Variants in DCBLD2 observed in about 807,000 individuals in gnomAD.
DCBLD2 encodes the protein discoidin, CUB and LCCL domain containing 2, also known as discoidin, CUB and LCCL domain-containing protein 2.
DCBLD2 carries 54 observed loss-of-function variants against 86.8 expected under a neutral mutation model. The observed-to-expected ratio is 0.62, with a 90% confidence interval of 0.50 to 0.78. The LOEUF (loss-of-function observed/expected upper bound fraction) is 0.78, where lower values mean the gene tolerates loss of function less well. Among genes scored for constraint, DCBLD2 ranks in the 30% least tolerant of loss-of-function variants. The pLI, the probability that DCBLD2 is intolerant of heterozygous loss-of-function variation, is 0.00. For missense variants in DCBLD2, 908 were observed against 954.2 expected, an observed-to-expected ratio of 0.95 and a Z score of 0.64; for synonymous variants, 354 against 341.3, an observed-to-expected ratio of 1.04 and a Z score of -0.41.
At chr3:98,878,393 C>T (rs1223422054) in intron 2 of DCBLD2, among the ~76,000 whole-genome samples, 1 of 152,060 alleles carries the variant, frequency 6.6e-6, no homozygotes, top group Non-Finnish European at 1.5e-5. Flanking sequence ...AATCATTAGC[C>T]CATATACTTC....
At chr3:98,876,657 T>C (rs540293619) in intron 2 of DCBLD2, among the ~76,000 whole-genome samples, 28 of 152,168 alleles carry the variant, frequency 1.8e-4, no homozygotes, top group South Asian at 4.1e-4. Flanking sequence ...TAACAAAGTA[T>C]ATAATTTACC....
At chr3:98,803,793 T>C (rs1266160318) in intron 13 of DCBLD2, among the ~76,000 whole-genome samples, 1 of 152,226 alleles carries the variant, frequency 6.6e-6, no homozygotes, top group Non-Finnish European at 1.5e-5. Flanking sequence ...TCTGCATTTA[T>C]TGAGATAATC....
chr3:98,858,185 C>A (rs1166347894), intron 2 of DCBLD2, among the ~76,000 whole-genome samples: 1 of 152,262 alleles, frequency 6.6e-6, no homozygotes, highest in Non-Finnish European at 1.5e-5. Flanking sequence ...CACCTCACTG[C>A]CTGGGGCTGG....
intron 12 of DCBLD2, among the ~76,000 whole-genome samples, chr3:98,810,910 T>C (rs1315271097): frequency 6.6e-6 from 1 of 152,176 alleles, no homozygotes; most frequent in Non-Finnish European, 1.5e-5. Flanking sequence ...TTTCTAAGCC[T>C]GAGAGTCAAC....
chr3:98,891,787 A>G (rs1943665896), intron 1 of DCBLD2, among the ~76,000 whole-genome samples: 1 of 152,154 alleles, frequency 6.6e-6, no homozygotes, highest in African/African-American at 2.4e-5. Flanking sequence ...TCTGCCAAGA[A>G]TAACGTCCCT....
intron 9 of DCBLD2, among the ~76,000 whole-genome samples, chr3:98,817,544 A>T (rs1942044709): frequency 6.6e-6 from 1 of 152,172 alleles, no homozygotes; most frequent in East Asian, 1.9e-4. Flanking sequence ...GCAATGACAA[A>T]AATCAGAAAA....
rs1941719743 is a variant in DCBLD2 at position 98,801,587 on chromosome 3, C to T, written c.1720+13G>A. ...CTCTGATAGAAATGAGATGCAAAGA[C>T]CACGTGAGTTACCTGCCCGGTCCCA... On this transcript the variant is annotated intron_variant, in intron 14 of 15. Transcript: ENST00000326840. The T allele has an allele frequency of 6.2e-7, 1 of 1,606,120 alleles. No homozygotes were observed. The highest frequency in any genetic ancestry group is 1.3e-5 in the African/African-American group (1 of 74,702).
intron 2 of DCBLD2, among the ~76,000 whole-genome samples, chr3:98,859,661 G>T (rs1334560593): frequency 6.6e-6 from 1 of 152,154 alleles, no homozygotes; most frequent in African/African-American, 2.4e-5. Context: ...TCAGCTGAGG[G>T]CTATGACTGT....
intron 3 of DCBLD2, among the ~76,000 whole-genome samples, chr3:98,831,300 C>A (rs1296250806): frequency 6.6e-6 from 1 of 151,926 alleles, no homozygotes; most frequent in African/African-American, 2.4e-5. Context: ...GATCCACCCA[C>A]CTTGGCCTCC....
intron 2 of DCBLD2, among the ~76,000 whole-genome samples, chr3:98,871,713 A>T (rs909710327): frequency 2.0e-5 from 3 of 152,168 alleles, no homozygotes; most frequent in Middle Eastern, 6.3e-3. Flanking sequence ...TATGTTCATT[A>T]GGAATATTGG....
At chr3:98,872,763 CGAAAA>C (rs1274343324) in intron 2 of DCBLD2, among the ~76,000 whole-genome samples, 1 of 150,924 alleles carries the variant, frequency 6.6e-6, no homozygotes, top group Non-Finnish European at 1.5e-5. Flanking sequence ...TTACCAAACA[CGAAAA>C]GACACTTAAA....
chr3:98,822,526 A>G (rs1212778453), intron 5 of DCBLD2, 143 bp downstream of exon 5: 3 of 1,248,914 alleles, frequency 2.4e-6, no homozygotes, highest in Non-Finnish European at 3.3e-6. Context: ...TAGCAGAAGA[A>G]AAAGAATAAA....
chr3:98,897,212 C>A (rs1202473936), intron 1 of DCBLD2, among the ~76,000 whole-genome samples: 1 of 152,106 alleles, frequency 6.6e-6, no homozygotes, highest in African/African-American at 2.4e-5. Flanking sequence ...ATAATATGTT[C>A]TTTTTGTTTC....
In DCBLD2 at chr3:98,808,362, G is replaced by GT. The variant is rs1337622614; in HGVS notation, c.1577-189dup. On this transcript the variant is annotated intron_variant, in intron 12 of 15. Transcript: ENST00000326840. ...AGCTTTTGCAGATACACAAAAGCTT[G>GT]TTACACTATTCATTCCATCTGTGTA... 2.0e-5 allele frequency among the ~76,000 whole-genome samples: 3 copies of GT among 152,246 alleles called. No homozygotes were observed. In the East Asian group the frequency reaches 5.8e-4, roughly 29 times the overall value.
At chr3:98,828,946 T>C (rs979110133) in intron 3 of DCBLD2, among the ~76,000 whole-genome samples, 2 of 152,158 alleles carry the variant, frequency 1.3e-5, no homozygotes, top group Admixed American at 1.3e-4. Flanking sequence ...ATATGAAATG[T>C]TTCGAATAGG....
intron 2 of DCBLD2, among the ~76,000 whole-genome samples, chr3:98,863,210 C>A (rs902982989): frequency 1.3e-4 from 20 of 149,880 alleles, no homozygotes; most frequent in Admixed American, 2.0e-4. Context: ...CACTGCTCAA[C>A]AAAAGAGGTC....
chr3:98,867,244 A>G (rs36160001), intron 2 of DCBLD2, among the ~76,000 whole-genome samples: 4,574 of 152,324 alleles, frequency 0.03, 101 homozygotes, highest in Non-Finnish European at 0.048. Flanking sequence ...TTCTGTGAAG[A>G]AAGTCATTGG....
At chr3:98,881,490 CATT>C (rs757921812) in intron 2 of DCBLD2, 47 bp downstream of exon 2, 317 of 1,495,866 alleles carry the variant, frequency 2.1e-4, no homozygotes, top group Admixed American at 3.2e-4. Context: ...AAAAATACAT[CATT>C]GAGACAATGA....
chr3:98,854,857 T>C (rs940177631), intron 2 of DCBLD2, among the ~76,000 whole-genome samples: 1 of 152,176 alleles, frequency 6.6e-6, no homozygotes, highest in Non-Finnish European at 1.5e-5. Flanking sequence ...AAATCAATTC[T>C]GGATGGATTG....
Sources: allele counts gnomAD v4.1 joint callset (sites outside exome capture counted in the v4.1 genomes callset), GRCh38; gene constraint gnomAD v4.1.1; transcripts MANE v1.5; gene names NCBI Gene and HGNC (gene_info 2026-07-23, HGNC 2026-07-21).